BRINP1: variants seen among roughly 807,000 people sequenced by gnomAD.
BRINP1 encodes BMP/retinoic acid-inducible neural-specific protein 1.
In BRINP1, 17 loss-of-function variants were observed where a neutral mutation model predicts 72.9. That is an observed-to-expected ratio of 0.23 (90% CI 0.16 to 0.35). The LOEUF is 0.35. Ranked by LOEUF, BRINP1 falls within the 10% of genes least tolerant of loss-of-function variation. The pLI is 1.00. For missense variants in BRINP1, 850 were observed against 1,001.6 expected, an observed-to-expected ratio of 0.85 and a Z score of 2.04; for synonymous variants, 418 against 378.5, an observed-to-expected ratio of 1.10 and a Z score of -1.21.
intron 1 of BRINP1, among the ~76,000 whole-genome samples, chr9:119,322,619 T>G (rs1831199810): frequency 1.3e-5 from 2 of 152,104 alleles, no homozygotes; most frequent in South Asian, 4.1e-4. Flanking sequence ...CCTCCCTCCC[T>G]CCGCCCAGGT....
At chr9:119,212,009 T>C (rs890271196) in intron 6 of BRINP1, among the ~76,000 whole-genome samples, 1 of 152,172 alleles carries the variant, frequency 6.6e-6, no homozygotes, top group African/African-American at 2.4e-5. Context: ...TTTGTTTGTT[T>C]TTGTTTTTTG....
At chr9:119,320,710 G>T (rs1831178046) in intron 1 of BRINP1, among the ~76,000 whole-genome samples, 1 of 152,112 alleles carries the variant, frequency 6.6e-6, no homozygotes, top group South Asian at 2.1e-4. Flanking sequence ...GTGGAAGAAA[G>T]GAAAAGAGAC....
At chr9:119,192,977 A>G (rs966164064) in intron 7 of BRINP1, among the ~76,000 whole-genome samples, 7 of 152,152 alleles carry the variant, frequency 4.6e-5, no homozygotes, top group African/African-American at 1.7e-4. Context: ...TTTTTATGGC[A>G]TAGTATTTGC....
intron 5 of BRINP1, among the ~76,000 whole-genome samples, chr9:119,236,290 C>G (rs915884404): frequency 6.6e-6 from 1 of 152,152 alleles, no homozygotes; most frequent in East Asian, 1.9e-4. Context: ...TGCTACCACC[C>G]TTTCCATTCA....
intron 7 of BRINP1, among the ~76,000 whole-genome samples, chr9:119,202,305 G>A (rs959767047): frequency 6.6e-6 from 1 of 152,142 alleles, no homozygotes; most frequent in African/African-American, 2.4e-5. Flanking sequence ...ACTATTAAAT[G>A]TTGCCATGAA....
intron 1 of BRINP1, among the ~76,000 whole-genome samples, chr9:119,346,112 G>A (rs987505859): frequency 6.6e-6 from 1 of 152,100 alleles, no homozygotes; most frequent in Non-Finnish European, 1.5e-5. Context: ...GCATCAAACA[G>A]TGCATCAAAC....
At chr9:119,253,611 G>A (rs1830415642) in intron 2 of BRINP1, among the ~76,000 whole-genome samples, 1 of 152,058 alleles carries the variant, frequency 6.6e-6, no homozygotes, top group Non-Finnish European at 1.5e-5. Context: ...AAGGATAGTT[G>A]GGGAGGAACG....
At chr9:119,341,684 G>C (rs1454690249) in intron 1 of BRINP1, among the ~76,000 whole-genome samples, 1 of 152,216 alleles carries the variant, frequency 6.6e-6, no homozygotes, top group Non-Finnish European at 1.5e-5. Flanking sequence ...ATGTTTGGTA[G>C]ATTAGGTGTA....
At chr9:119,291,986 A>G (rs1830826655) in intron 2 of BRINP1, among the ~76,000 whole-genome samples, 1 of 152,226 alleles carries the variant, frequency 6.6e-6, no homozygotes, top group South Asian at 2.1e-4. Flanking sequence ...AATCTTAGAA[A>G]AAAAATACTT....
chr9:119,214,129 G>T lies in BRINP1; in HGVS notation c.712C>A (p.Leu238Met). Residue 238 changes from leucine (L) to methionine (M), a missense_variant, in exon 6 of 8, where the codon CTG becomes ATG. Transcript: ENST00000265922. ...QGLQIIFPQY[L>M]QEKFVQSALS... The stretch of plus-strand genomic sequence containing the variant: ...GCCGACTGGACAAACTTCTCTTGCA[G>T]ATACTGAGGAAAGATTATCTGAAGA... 1 of 1,613,960 alleles carries T rather than the reference G, an allele frequency of 6.2e-7. No individual in the cohort carries two copies. Among genetic ancestry groups the T allele is most frequent in the Admixed American group, 1.7e-5 (1 of 60,024 alleles).
At chr9:119,170,676 T>C (rs1234924781) in intron 7 of BRINP1, among the ~76,000 whole-genome samples, 1 of 134,018 alleles carries the variant, frequency 7.5e-6, no homozygotes, top group African/African-American at 3.1e-5. Context: ...AGACACATAA[T>C]TGTCAGATTC....
chr9:119,175,133 GAC>G (rs1272690777), intron 7 of BRINP1, among the ~76,000 whole-genome samples: 4 of 116,272 alleles, frequency 3.4e-5, no homozygotes, highest in Non-Finnish European at 7.1e-5. Flanking sequence ...AAAAAAAAAA[GAC>G]AAAAAAAAAA....
rs138022593 is a variant in BRINP1 at position 119,242,176 on chromosome 9, G to A, written c.450C>T (p.Leu150=). 15 of 1,613,972 alleles carry A rather than the reference G, an allele frequency of 9.3e-6. No individual in the cohort carries two copies. The highest frequency in any genetic ancestry group is 3.3e-5 in the Admixed American group (2 of 59,998). Residue 150 remains leucine, a synonymous_variant, in exon 4 of 8, where the codon CTC becomes CTT. Coordinates refer to ENST00000265922, the MANE Select transcript of BRINP1 (RefSeq NM_014618.3). The part of the protein sequence containing the change: ...ALTMYMDKSR[L]DRKSGNATQS... ...GAGTGGCATTCCCTGACTTCCTGTC[G>A]AGGCGACTTTTGTCCATATACATGG...
chr9:119,309,601 G>C (rs1831040480), intron 2 of BRINP1, among the ~76,000 whole-genome samples: 1 of 152,106 alleles, frequency 6.6e-6, no homozygotes, highest in Admixed American at 6.5e-5. Context: ...TCAAGCATAA[G>C]ATAACTTACA....
chr9:119,168,133 A>G lies in BRINP1; in HGVS notation c.1237T>C (p.Cys413Arg). Residue 413 changes from cysteine (C) to arginine (R), a missense_variant, in exon 8 of 8, where the codon TGC becomes CGC. Coordinates refer to ENST00000265922, the MANE Select transcript of BRINP1 (RefSeq NM_014618.3). Reference sequence around the variant, plus strand: ...AGCGTGGTGCTGCCGTGGCACACGCAGCTCCGCTGGCTCTCCAGGAAGGTT... The same window carrying G: ...AGCGTGGTGCTGCCGTGGCACACGCGGCTCCGCTGGCTCTCCAGGAAGGTT... ...WGTFLESQRS[C>R]VCHGSTTLCQ... 1 of 1,603,494 alleles carries G rather than the reference A, an allele frequency of 6.2e-7. No homozygotes were observed. The highest frequency in any genetic ancestry group is 8.5e-7 in the Non-Finnish European group (1 of 1,173,410).
chr9:119,329,155 C>A (rs1189851301), intron 1 of BRINP1, among the ~76,000 whole-genome samples: 1 of 152,112 alleles, frequency 6.6e-6, no homozygotes, highest in East Asian at 1.9e-4. Context: ...TTGAGTTCTT[C>A]CCTGGGGTTA....
chr9:119,307,037 A>G (rs1443828764), intron 2 of BRINP1, among the ~76,000 whole-genome samples: 2 of 151,918 alleles, frequency 1.3e-5, no homozygotes, highest in East Asian at 1.9e-4. Flanking sequence ...GGATTTCTCA[A>G]CCTCTACACA....
chr9:119,311,593 A>G (rs1831068915), intron 2 of BRINP1, among the ~76,000 whole-genome samples: 1 of 152,162 alleles, frequency 6.6e-6, no homozygotes, highest in Admixed American at 6.5e-5. Flanking sequence ...GATCTACCTC[A>G]GCCCTATCAT....
chr9:119,181,421 T>G (rs970469011), intron 7 of BRINP1, among the ~76,000 whole-genome samples: 2 of 152,200 alleles, frequency 1.3e-5, no homozygotes, highest in African/African-American at 4.8e-5. Context: ...TATTTGGCCT[T>G]GCTATTTGAC....
Sources: allele counts gnomAD v4.1 joint callset (sites outside exome capture counted in the v4.1 genomes callset), GRCh38; gene constraint gnomAD v4.1.1; transcripts MANE v1.5; gene names NCBI Gene and HGNC (gene_info 2026-07-23, HGNC 2026-07-21).